Variants in BCL11B observed in about 807,000 individuals in gnomAD.
BCL11B encodes B-cell lymphoma/leukemia 11B.
Under a neutral mutation model 49.9 loss-of-function variants are expected in BCL11B, and 8 were observed. That is an observed-to-expected ratio of 0.16 (90% CI 0.09 to 0.29). The LOEUF is 0.29. Ranked by LOEUF, BCL11B falls within the 10% of genes least tolerant of loss-of-function variation. The probability of loss-of-function intolerance (pLI) is 1.00; values close to 1 mark genes in which losing one functional copy is unlikely to be tolerated. For synonymous variants in BCL11B, 739 were observed against 637.4 expected, an observed-to-expected ratio of 1.16 and a Z score of -2.40; for missense variants, 1,006 against 1,351.0, an observed-to-expected ratio of 0.74 and a Z score of 4.00.
chr14:99,270,119 C>T (rs531273614), intron 1 of BCL11B, among the ~76,000 whole-genome samples: 1 of 152,002 alleles, frequency 6.6e-6, no homozygotes, highest in African/African-American at 2.4e-5. Context: ...ATAAACCCAA[C>T]AGGGACGGTG....
At chr14:99,197,056 T>A (rs1383134833) in intron 3 of BCL11B, among the ~76,000 whole-genome samples, 1 of 152,178 alleles carries the variant, frequency 6.6e-6, no homozygotes, top group African/African-American at 2.4e-5. Flanking sequence ...TTCTCAGACC[T>A]GGAAGCATAC....
intron 2 of BCL11B, among the ~76,000 whole-genome samples, chr14:99,246,888 C>T (rs1470416980): frequency 6.6e-6 from 1 of 152,166 alleles, no homozygotes; most frequent in Non-Finnish European, 1.5e-5. Context: ...TTGCAAACGT[C>T]GGGGAAACCG....
In BCL11B at chr14:99,173,913, C is replaced by A; in HGVS notation, c.*238G>T. The stretch of plus-strand genomic sequence containing the variant: ...TGCACATGCCAAAAAAATTACAAAA[C>A]CCAATAAATACAGAAATTATTGCAC... On this transcript the variant is annotated 3_prime_UTR_variant, in exon 4 of 4. Coordinates refer to ENST00000357195, the MANE Select transcript of BCL11B (RefSeq NM_138576.4). 9 of 530,960 alleles carry A rather than the reference C, an allele frequency of 1.7e-5. No individual in the cohort carries two copies. The highest frequency in any genetic ancestry group is 3.6e-5 in the Admixed American group (1 of 27,468). 32.9% of individuals were successfully genotyped at this position (530,960 alleles called of 1,614,324 possible). A position where few individuals can be genotyped will look rare whatever the true frequency, so the allele number is the denominator to read the frequency against.
chr14:99,176,230 C>G (rs1396003131), intron 3 of BCL11B, 35 bp from the exon 4 acceptor site: 5 of 1,591,482 alleles, frequency 3.1e-6, no homozygotes, highest in Non-Finnish European at 3.4e-6. Context: ...GCAGAGACAG[C>G]GTGAGAAGCG....
intron 3 of BCL11B, among the ~76,000 whole-genome samples, chr14:99,183,882 C>T (rs1185008800): frequency 6.6e-6 from 1 of 152,066 alleles, no homozygotes; most frequent in East Asian, 1.9e-4. Context: ...AACAAAAGGC[C>T]TCTCTTCCTC....
Position 99,228,951 on chromosome 14 carries a change from GATGGATGGATGC to G in BCL11B, c.640+2382_640+2393del, listed in dbSNP as rs1029322992. Among the ~76,000 whole-genome samples, 6 of 152,130 alleles carry G rather than the reference GATGGATGGATGC, an allele frequency of 3.9e-5. No homozygotes were observed. The highest frequency in any genetic ancestry group is 2.1e-4 in the South Asian group (1 of 4,820). On this transcript the variant is annotated intron_variant, in intron 3 of 3. Transcript: ENST00000357195. This position sits in a 1 kb window ranked among gnomAD's most constrained non-coding sequence, Gnocchi z 4.8. ...GGATGGATGGATGAACGGATGGGTG[GATGGATGGATGC>G]ATGGATGGATGCATGGATGGATGGA...
Position 99,172,623 on chromosome 14 carries a change from G to C in BCL11B, c.*1528C>G, listed in dbSNP as rs1886327274. ...ATTATTTTATTTTGTTCTTTATAGT[G>C]CCAGTATTGTGAATGCCACGCTTAG... is the stretch of plus-strand genomic sequence containing the variant. On this transcript the variant is annotated 3_prime_UTR_variant, in exon 4 of 4. Transcript: ENST00000357195. 4.7e-6 allele frequency: 1 copy of C among 213,416 alleles called. No homozygotes were observed. The highest frequency in any genetic ancestry group is 7.1e-5 in the East Asian group (1 of 14,172). The allele number at this position is 213,416 out of a possible 1,614,324, so 13.2% of individuals were successfully genotyped here.
chr14:99,246,344 C>A (rs1888836542), intron 2 of BCL11B, among the ~76,000 whole-genome samples: 1 of 152,250 alleles, frequency 6.6e-6, no homozygotes, highest in Admixed American at 6.5e-5. Context: ...CCCGCCCCAC[C>A]AAGGCACAAT....
At chr14:99,197,483 A>G (rs1887210528) in intron 3 of BCL11B, among the ~76,000 whole-genome samples, 1 of 152,170 alleles carries the variant, frequency 6.6e-6, no homozygotes, top group Non-Finnish European at 1.5e-5. Context: ...GGAAAATTGA[A>G]GATTGGAAAG....
chr14:99,175,088 G>T lies in BCL11B; in HGVS notation c.1748C>A (p.Ala583Glu), dbSNP rs769641126. 5 of 1,600,280 alleles carry T rather than the reference G, an allele frequency of 3.1e-6. No individual in the cohort carries two copies. The African/African-American group carries it at 4.0e-5, about 13-fold the overall frequency. Reference protein sequence around the residue: ...VPGVPGAGGGAAKALADEKAL... With the variant: ...VPGVPGAGGGEAKALADEKAL... Reference sequence around the variant, plus strand: ...CTTCTCGTCAGCCAGCGCCTTGGCCGCGCCGCCCCCCGCGCCCGGGACCCC... The same window carrying T: ...CTTCTCGTCAGCCAGCGCCTTGGCCTCGCCGCCCCCCGCGCCCGGGACCCC... Residue 583 changes from alanine to glutamate, a missense_variant, in exon 4 of 4, where the codon GCG becomes GAG. Physicochemically the swap from Ala to Glu is moderately radical, Grantham distance 107. Transcript: ENST00000357195.
chr14:99,257,501 C>T lies in BCL11B; in HGVS notation c.397G>A (p.Gly133Ser). 1 of 1,609,970 alleles carries T rather than the reference C, an allele frequency of 6.2e-7. No individual in the cohort carries two copies. Among genetic ancestry groups the T allele is most frequent in the Middle Eastern group, 1.7e-4 (1 of 6,018 alleles). ...EDDHLLSPTKGICPKQENIAG... is the reference protein window; with the variant it reads ...EDDHLLSPTKSICPKQENIAG... ...ATGTTCTCCTGCTTGGGACAGATGCCTTTCGTGGGTGAGAGCAGGTGGTCA... is the reference window on the plus strand; with the variant it reads ...ATGTTCTCCTGCTTGGGACAGATGCTTTTCGTGGGTGAGAGCAGGTGGTCA... Residue 133 changes from glycine (G) to serine (S), a missense_variant, in exon 2 of 4, where the codon GGC becomes AGC. Coordinates refer to ENST00000357195, the MANE Select transcript of BCL11B (RefSeq NM_138576.4). This position sits in a 1 kb window ranked among gnomAD's most constrained non-coding sequence, Gnocchi z 6.2.
chr14:99,257,685 C>T lies in BCL11B; in HGVS notation c.213G>A (p.Leu71=). The T allele has an allele frequency of 6.2e-7, 1 of 1,612,440 alleles. No homozygotes were observed. The highest frequency in any genetic ancestry group is 1.1e-5 in the South Asian group (1 of 90,912). Residue 71 remains leucine (L), a synonymous_variant, in exon 2 of 4, where the codon CTG becomes CTA. Coordinates refer to ENST00000357195, the MANE Select transcript of BCL11B (RefSeq NM_138576.4). The surrounding 1 kb of genome is among the most constrained non-coding windows in gnomAD (Gnocchi z 6.2). ...CQMNFPLGDI[L]VFIEHKRKQC... ...GCTTCCTTTTGTGCTCTATAAAAAC[C>T]AGGATGTCCCCCAAGGGGAAGTTCA...
intron 3 of BCL11B, among the ~76,000 whole-genome samples, chr14:99,179,500 G>C (rs1405632806): frequency 4.6e-5 from 4 of 87,268 alleles, no homozygotes; most frequent in Non-Finnish European, 9.8e-5. Flanking sequence ...AAAAAAAAAA[G>C]CTTCTAAAAC....
intron 3 of BCL11B, among the ~76,000 whole-genome samples, chr14:99,218,406 C>T (rs1368438100): frequency 6.6e-6 from 1 of 151,932 alleles, no homozygotes; most frequent in Non-Finnish European, 1.5e-5. Flanking sequence ...CATCTCCCCG[C>T]CCTATCGTTA....
chr14:99,271,112 G>A (rs1487728354), intron 1 of BCL11B, 49 bp downstream of exon 1: 16 of 1,497,824 alleles, frequency 1.1e-5, no homozygotes, highest in East Asian at 5.7e-5. Flanking sequence ...AGCCCCAGAC[G>A]CCCGGAGCCC....
intron 1 of BCL11B, among the ~76,000 whole-genome samples, chr14:99,259,520 C>T (rs879779106): frequency 6.6e-6 from 1 of 152,170 alleles, no homozygotes. Flanking sequence ...AGAAGAGAAA[C>T]TACAATTTGA....
chr14:99,203,054 C>T (rs577960191), intron 3 of BCL11B, among the ~76,000 whole-genome samples: 1 of 152,292 alleles, frequency 6.6e-6, no homozygotes, highest in Non-Finnish European at 1.5e-5. Flanking sequence ...CACTGTGGCA[C>T]GAAGCTGGGC....
At chr14:99,199,677 TGTGTGTGCGCGCGC>T (rs1887296541) in intron 3 of BCL11B, among the ~76,000 whole-genome samples, 1 of 112,112 alleles carries the variant, frequency 8.9e-6, no homozygotes, top group African/African-American at 3.4e-5. Context: ...TGTGTGTGTG[TGTGTGTGCGCGCGC>T]GCGCGCACGT....
rs996875156 is a variant in BCL11B, at chr14:99,248,519, C to T, written c.427+8952G>A. On this transcript the variant is annotated intron_variant, in intron 2 of 3. Coordinates refer to ENST00000357195, the MANE Select transcript of BCL11B (RefSeq NM_138576.4). The surrounding 1 kb of genome is among the most constrained non-coding windows in gnomAD (Gnocchi z 4.7). ...CATCACAAAGAAAAGAATGCCAAAC[C>T]ACACAGGGACATTAGGGACAGGGCC... 1.3e-5 allele frequency among the ~76,000 whole-genome samples: 2 copies of T among 152,126 alleles called. No homozygotes were observed. The highest frequency in any genetic ancestry group is 2.9e-5 in the Non-Finnish European group (2 of 68,028).
Sources: gnomAD v4.1 joint callset for allele counts (sites outside exome capture counted in the v4.1 genomes callset) on GRCh38, gnomAD v4.1.1 for gene constraint, Gnocchi (gnomAD v3.1) non-coding constraint, MANE v1.5 for transcripts, NCBI Gene and HGNC (gene_info 2026-07-23, HGNC 2026-07-21) for gene names.